CSMD3: variants seen among roughly 807,000 people sequenced by gnomAD.
CSMD3 encodes the protein CUB and sushi domain-containing protein 3.
Under a neutral mutation model 435.2 loss-of-function variants are expected in CSMD3, and 177 were observed. That is an observed-to-expected ratio of 0.41 (90% CI 0.36 to 0.46). The LOEUF is 0.46. Ranked by LOEUF, CSMD3 falls within the 20% of genes least tolerant of loss-of-function variation. CSMD3 has a pLI of 0.34. For synonymous variants in CSMD3, 1,656 were observed against 1,520.5 expected (o/e 1.09, Z -2.07); for missense variants, 4,265 against 4,504.6 (o/e 0.95, Z 1.52).
chr8:112,331,435 T>C (rs1824048827), intron 45 of CSMD3, among the ~76,000 whole-genome samples: 1 of 152,070 alleles, frequency 6.6e-6, no homozygotes, highest in Admixed American at 6.5e-5. Flanking sequence ...GCAGAGAGCT[T>C]TCATTTTGCA....
intron 63 of CSMD3, among the ~76,000 whole-genome samples, chr8:112,251,220 T>C (rs111782826): frequency 4.6e-5 from 7 of 151,876 alleles, no homozygotes; most frequent in South Asian, 4.1e-4. Context: ...TTTTGCAATA[T>C]ATATTTTTAA....
At chr8:112,641,029 A>C (rs531787686) in intron 20 of CSMD3, among the ~76,000 whole-genome samples, 1 of 152,234 alleles carries the variant, frequency 6.6e-6, no homozygotes, top group South Asian at 2.1e-4. Context: ...TACCTTTCTG[A>C]GCCCTACTTT....
At chr8:113,036,326 A>G (rs1323007380) in intron 5 of CSMD3, among the ~76,000 whole-genome samples, 1 of 152,024 alleles carries the variant, frequency 6.6e-6, no homozygotes, top group East Asian at 1.9e-4. Flanking sequence ...TTCTAAGCAC[A>G]ATATATGAAT....
chr8:112,826,209 C>T (rs2132458696), intron 12 of CSMD3, among the ~76,000 whole-genome samples: 1 of 152,246 alleles, frequency 6.6e-6, no homozygotes, highest in Non-Finnish European at 1.5e-5. Context: ...AAAAGCGTGG[C>T]CTGGAGCTAT....
At chr8:112,647,515 C>A (rs968799511) in intron 19 of CSMD3, among the ~76,000 whole-genome samples, 1 of 152,192 alleles carries the variant, frequency 6.6e-6, no homozygotes, top group Admixed American at 6.5e-5. Context: ...ACTGTGTTAG[C>A]CAGGATGGTC....
chr8:113,351,728 T>A (rs1401589474), intron 1 of CSMD3, among the ~76,000 whole-genome samples: 1 of 152,108 alleles, frequency 6.6e-6, no homozygotes, highest in Non-Finnish European at 1.5e-5. Context: ...GAAAAACCTA[T>A]GAGATAAAGA....
chr8:112,717,688 T>A (rs1442075250), intron 13 of CSMD3, among the ~76,000 whole-genome samples: 1 of 151,978 alleles, frequency 6.6e-6, no homozygotes, highest in Non-Finnish European at 1.5e-5. Context: ...ATAGACTGAA[T>A]AAAGAAAATG....
intron 10 of CSMD3, among the ~76,000 whole-genome samples, chr8:112,915,109 T>C (rs922206617): frequency 3.9e-5 from 6 of 151,902 alleles, no homozygotes; most frequent in Non-Finnish European, 8.8e-5. Context: ...AAAAAGTTAT[T>C]CTATTTTAAT....
chr8:113,323,430 T>C (rs1262542498), intron 1 of CSMD3, among the ~76,000 whole-genome samples: 1 of 152,180 alleles, frequency 6.6e-6, no homozygotes, highest in Admixed American at 6.5e-5. Flanking sequence ...TATAAACTCC[T>C]CAATATATTT....
At chr8:112,428,595 A>AT (rs1239906132) in intron 32 of CSMD3, among the ~76,000 whole-genome samples, 2 of 152,304 alleles carry the variant, frequency 1.3e-5, no homozygotes, top group East Asian at 3.9e-4. Context: ...TTCACAGGCT[A>AT]GTGGAGGAGT....
At chr8:112,339,608 A>G (rs1408511919) in intron 42 of CSMD3, among the ~76,000 whole-genome samples, 1 of 152,178 alleles carries the variant, frequency 6.6e-6, no homozygotes, top group East Asian at 1.9e-4. Context: ...TTGCAGTCAC[A>G]ATCTTGTACC....
At chr8:112,494,126 A>C (rs1481669585) in intron 30 of CSMD3, among the ~76,000 whole-genome samples, 25 of 152,116 alleles carry the variant, frequency 1.6e-4, no homozygotes, top group Admixed American at 1.6e-3. Flanking sequence ...AGCATTTTTA[A>C]GAAATAATGA....
At chr8:113,322,137 C>T (rs1411081342) in intron 1 of CSMD3, among the ~76,000 whole-genome samples, 4 of 152,002 alleles carry the variant, frequency 2.6e-5, no homozygotes, top group African/African-American at 9.7e-5. Flanking sequence ...TTTATGATGC[C>T]TTCATTAGTT....
intron 13 of CSMD3, among the ~76,000 whole-genome samples, chr8:112,700,903 C>A (rs751085113): frequency 5.3e-5 from 8 of 152,102 alleles, no homozygotes; most frequent in Non-Finnish European, 1.0e-4. Flanking sequence ...AGATAAATTT[C>A]TAACCCTTCC....
chr8:113,286,716 A>G (rs1333519324), intron 2 of CSMD3, among the ~76,000 whole-genome samples: 1 of 151,988 alleles, frequency 6.6e-6, no homozygotes, highest in Non-Finnish European at 1.5e-5. Flanking sequence ...TAAAAAAAAA[A>G]GACTCTATTT....
intron 25 of CSMD3, among the ~76,000 whole-genome samples, chr8:112,556,042 A>G (rs542449612): frequency 2.0e-5 from 3 of 151,924 alleles, no homozygotes; most frequent in African/African-American, 7.2e-5. Context: ...TTTTGCTACA[A>G]AGTTGTTTTC....
intron 13 of CSMD3, among the ~76,000 whole-genome samples, chr8:112,756,217 G>T (rs1448392435): frequency 6.6e-6 from 1 of 152,160 alleles, no homozygotes; most frequent in East Asian, 1.9e-4. Flanking sequence ...CTGGTCACTT[G>T]TTCCAAGTAT....
In CSMD3 at chr8:112,775,095, C is replaced by T. The variant is rs1232702086; in HGVS notation, c.1972+25067G>A. Among the ~76,000 whole-genome samples the T allele has an allele frequency of 2.6e-5, 4 of 151,844 alleles. No individual in the cohort carries two copies. In the East Asian group the frequency reaches 7.8e-4, roughly 30 times the overall value. On this transcript the variant is annotated intron_variant, in intron 13 of 70. Coordinates refer to ENST00000297405, the MANE Select transcript of CSMD3 (RefSeq NM_198123.2). ...ACTTTGCTGACCTGATATCACCTCTCATCTGAAGACTGCCCTGATACCTTG... is the reference window on the plus strand; with the variant it reads ...ACTTTGCTGACCTGATATCACCTCTTATCTGAAGACTGCCCTGATACCTTG...
At chr8:112,896,627 A>G (rs2130384252) in intron 10 of CSMD3, among the ~76,000 whole-genome samples, 1 of 151,440 alleles carries the variant, frequency 6.6e-6, no homozygotes, top group Non-Finnish European at 1.5e-5. Flanking sequence ...TTCCACCACC[A>G]CTACAACAAT....
Sources: gnomAD v4.1 joint callset for allele counts (sites outside exome capture counted in the v4.1 genomes callset) on GRCh38, gnomAD v4.1.1 for gene constraint, MANE v1.5 for transcripts, NCBI Gene and HGNC (gene_info 2026-07-23, HGNC 2026-07-21) for gene names.